Variants in TRIP12 observed in about 807,000 individuals in gnomAD.
TRIP12 encodes the protein E3 ubiquitin-protein ligase TRIP12.
TRIP12 carries 25 observed loss-of-function variants against 244.2 expected under a neutral mutation model. The observed-to-expected ratio is 0.10, with a 90% CI of 0.07 to 0.14. The LOEUF (loss-of-function observed/expected upper bound fraction) is 0.14. Among genes scored for constraint, TRIP12 ranks in the 10% least tolerant of loss-of-function variants. The pLI, the probability that TRIP12 is intolerant of heterozygous loss-of-function variation, is 1.00. For missense variants in TRIP12, 1,677 were observed against 2,486.4 expected (o/e 0.67, Z 6.92); for synonymous variants, 905 against 873.1 (o/e 1.04, Z -0.64).
chr2:229,853,627 A>C (rs1213051976), intron 4 of TRIP12, among the ~76,000 whole-genome samples: 3 of 152,208 alleles, frequency 2.0e-5, no homozygotes, highest in Admixed American at 6.5e-5. Context: ...ACTGCACTCC[A>C]GACTGGGCGA....
intron 27 of TRIP12, among the ~76,000 whole-genome samples, chr2:229,792,646 A>G (rs1005899298): frequency 6.6e-6 from 1 of 152,146 alleles, no homozygotes; most frequent in African/African-American, 2.4e-5. Context: ...TGCATTTTAG[A>G]TTTTCAGGTT....
intron 5 of TRIP12, among the ~76,000 whole-genome samples, chr2:229,837,507 C>T (rs112741866): frequency 3.5e-4 from 53 of 152,074 alleles, no homozygotes; most frequent in African/African-American, 1.1e-3. Context: ...TGGTGGCATG[C>T]GCCTGTAATC....
intron 1 of TRIP12, among the ~76,000 whole-genome samples, chr2:229,894,626 G>A (rs1422061245): frequency 6.6e-6 from 1 of 152,156 alleles, no homozygotes; most frequent in East Asian, 1.9e-4. Context: ...GAAGGAAGGG[G>A]AAAAGAAAAT....
At position 229,796,697 on chromosome 2, in the gene TRIP12, C is replaced by T. The variant is rs2042898809; in HGVS notation, c.3710G>A (p.Gly1237Glu). Residue 1237 changes from glycine to glutamate, a missense_variant, in exon 25 of 42, where the codon GGA becomes GAA. Coordinates refer to ENST00000675903, the MANE Select transcript of TRIP12 (RefSeq NM_001348323.3). ...ATAAAGCAACAGCTGCTTCACAAATCCACTATGTTGGATTTCAAATGATGA... is the reference window on the plus strand; with the variant it reads ...ATAAAGCAACAGCTGCTTCACAAATTCACTATGTTGGATTTCAAATGATGA... ...DVSSFEIQHS[G>E]FVKQLLLYLT... 1 of 1,612,534 alleles carries T rather than the reference C, an allele frequency of 6.2e-7. No individual in the cohort carries two copies. The highest frequency in any genetic ancestry group is 1.3e-5 in the African/African-American group (1 of 74,868).
intron 12 of TRIP12, 55 bp from the exon 13 acceptor site, chr2:229,814,086 A>G: frequency 1.3e-6 from 2 of 1,525,160 alleles, no homozygotes; most frequent in South Asian, 2.5e-5. Flanking sequence ...GCAATAAAAA[A>G]TAATTTAACT....
intron 1 of TRIP12, among the ~76,000 whole-genome samples, chr2:229,888,005 A>C (rs764069234): frequency 1.3e-5 from 2 of 152,176 alleles, no homozygotes; most frequent in African/African-American, 2.4e-5. Flanking sequence ...AATTGCCTAT[A>C]AATACCCAGT....
chr2:229,840,787 A>T (rs2056224777), intron 5 of TRIP12, 35 bp downstream of exon 5: 1 of 1,374,330 alleles, frequency 7.3e-7, no homozygotes, highest in East Asian at 2.3e-5. Context: ...ACAGAATAAA[A>T]ATGAACTCAC....
intron 1 of TRIP12, among the ~76,000 whole-genome samples, chr2:229,882,539 T>C (rs1472560304): frequency 2.6e-5 from 4 of 152,082 alleles, no homozygotes; most frequent in Middle Eastern, 3.2e-3. Flanking sequence ...CATCAAAGAA[T>C]AAAAGGCCAG....
intron 2 of TRIP12, among the ~76,000 whole-genome samples, chr2:229,877,150 C>T (rs1007402237): frequency 5.9e-5 from 9 of 151,320 alleles, no homozygotes; most frequent in Non-Finnish European, 8.9e-5. Context: ...CAACTACTTG[C>T]GATGCAGTGA....
rs536298445 is a variant in TRIP12, at chr2:229,919,184, C to G, written c.-50+2696G>C. 9.0e-4 allele frequency among the ~76,000 whole-genome samples: 137 copies of G among 152,302 alleles called. 1 individual carries two copies. Among genetic ancestry groups the G allele is most frequent in the Admixed American group, 1.5e-3 (23 of 15,300 alleles). On this transcript the variant is annotated intron_variant, in intron 1 of 41. Transcript: ENST00000675903. ...ATCCCAGCACTTTGGGTGACCAAGG[C>G]AGGCGGATCACCTGAGAGGTCGGGA...
At chr2:229,794,076 C>G (rs980682613) in intron 26 of TRIP12, among the ~76,000 whole-genome samples, 3 of 152,080 alleles carry the variant, frequency 2.0e-5, no homozygotes, top group Non-Finnish European at 4.4e-5. Flanking sequence ...TTCTCAAGCA[C>G]AGGTCAAAAT....
chr2:229,910,036 A>G (rs1318299365), intron 1 of TRIP12, among the ~76,000 whole-genome samples: 2 of 152,234 alleles, frequency 1.3e-5, no homozygotes, highest in South Asian at 2.1e-4. Context: ...TGAAACCAAG[A>G]TAACTCCTTT....
intron 8 of TRIP12, among the ~76,000 whole-genome samples, chr2:229,819,952 C>T (rs979105208): frequency 1.3e-5 from 2 of 152,158 alleles, no homozygotes; most frequent in African/African-American, 4.8e-5. Context: ...TGCCTACCTA[C>T]CTTTACCATA....
At chr2:229,913,965 T>C (rs1444967521) in intron 1 of TRIP12, among the ~76,000 whole-genome samples, 5 of 152,242 alleles carry the variant, frequency 3.3e-5, no homozygotes, top group Admixed American at 2.0e-4. Context: ...AGTGTAAGTA[T>C]ATATATTTCT....
At chr2:229,791,617 T>C (rs2041556536) in intron 29 of TRIP12, among the ~76,000 whole-genome samples, 1 of 152,222 alleles carries the variant, frequency 6.6e-6, no homozygotes, top group Admixed American at 6.5e-5. Flanking sequence ...AGACCTGAAA[T>C]AAATCTAGAA....
At chr2:229,789,303 T>C (rs1203237582) in intron 31 of TRIP12, among the ~76,000 whole-genome samples, 2 of 152,380 alleles carry the variant, frequency 1.3e-5, no homozygotes, top group South Asian at 2.1e-4. Context: ...TTACTTGATA[T>C]ATAAACTTCT....
intron 2 of TRIP12, among the ~76,000 whole-genome samples, chr2:229,869,085 C>T (rs970670086): frequency 2.6e-5 from 4 of 152,192 alleles, no homozygotes; most frequent in Admixed American, 2.6e-4. Flanking sequence ...CAGAGCTTAC[C>T]ACTGACCTGG....
intron 2 of TRIP12, among the ~76,000 whole-genome samples, chr2:229,866,988 T>C (rs2061605050): frequency 6.6e-6 from 1 of 151,922 alleles, no homozygotes; most frequent in African/African-American, 2.4e-5. Context: ...AAAATATGGA[T>C]GAAAGGATGT....
In TRIP12 at chr2:229,803,989, A is replaced by T. The variant is rs911443511; in HGVS notation, c.2879+10T>A. 3 of 1,600,964 alleles carry T rather than the reference A, an allele frequency of 1.9e-6. No homozygotes were observed. The highest frequency in any genetic ancestry group is 2.6e-6 in the Non-Finnish European group (3 of 1,173,766). On this transcript the variant is annotated intron_variant, in intron 19 of 41. Transcript: ENST00000675903. ...TTTGTAAAATGTTTCTACTATTTTC[A>T]TTAACACACCTTGAAACAGCATGAT...
Sources: allele counts gnomAD v4.1 joint callset (sites outside exome capture counted in the v4.1 genomes callset), GRCh38; gene constraint gnomAD v4.1.1; transcripts MANE v1.5; gene names NCBI Gene and HGNC (gene_info 2026-07-23, HGNC 2026-07-21).